ARID1B: variants seen among roughly 807,000 people sequenced by gnomAD.
The protein encoded by ARID1B is AT-rich interaction domain 1B.
In ARID1B, 30 loss-of-function variants were observed where a neutral mutation model predicts 212.3. That is an observed-to-expected ratio of 0.14 (90% confidence interval 0.11 to 0.19). The LOEUF (loss-of-function observed/expected upper bound fraction) is 0.19, where lower values mean the gene tolerates loss of function less well. Among genes scored for constraint, ARID1B ranks in the 10% least tolerant of loss-of-function variants. The probability of loss-of-function intolerance (pLI) is 1.00; values close to 1 mark genes in which losing one functional copy is unlikely to be tolerated. For synonymous variants in ARID1B, 1,402 were observed against 1,301.7 expected (o/e 1.08, Z -1.66); for missense variants, 2,891 against 3,204.0 (o/e 0.90, Z 2.36).
chr6:156,964,721 T>A lies in ARID1B; in HGVS notation c.2247+29145T>A, dbSNP rs568947955. 2.7e-4 allele frequency among the ~76,000 whole-genome samples: 41 copies of A among 152,330 alleles called. No homozygotes were observed. The East Asian group carries it at 3.5e-3, about 13-fold the overall frequency. ...GTATGGATTCTCTTAATGGAAAAAA[T>A]TTATTTTCATTAATATTTTAGCATG... On this transcript the variant is annotated intron_variant, in intron 4 of 19. Coordinates refer to ENST00000636930, the MANE Select transcript of ARID1B (RefSeq NM_001374828.1).
In ARID1B at chr6:157,201,188, A is replaced by T. The variant is rs1359930751; in HGVS notation, c.4963A>T (p.Ile1655Phe). Residue 1655 changes from isoleucine (I) to phenylalanine (F), a missense_variant, in exon 18 of 20, where the codon ATC (isoleucine) becomes TTC (phenylalanine). By Grantham distance (21) the Ile-to-Phe change is conservative (BLOSUM62 0). Transcript: ENST00000636930. The surrounding 1 kb of genome is among the most constrained non-coding windows in gnomAD (Gnocchi z 5.2). ...GTCGTCCTCAGCCTCCATGCAGCCCATCACACGCCCACCACAGCCGTCCTA... is the reference window on the plus strand; with the variant it reads ...GTCGTCCTCAGCCTCCATGCAGCCCTTCACACGCCCACCACAGCCGTCCTA... ...YMSSSASMQP[I>F]TRPPQPSYQT... is the part of the protein sequence containing the mutation. 2.9e-5 allele frequency: 47 copies of T among 1,613,878 alleles called. No individual in the cohort carries two copies. Among genetic ancestry groups the T allele is most frequent in the Non-Finnish European group, 3.9e-5 (46 of 1,179,814 alleles).
chr6:156,993,742 A>G (rs1258657570), intron 4 of ARID1B, among the ~76,000 whole-genome samples: 1 of 152,248 alleles, frequency 6.6e-6, no homozygotes, highest in African/African-American at 2.4e-5. Flanking sequence ...AGTAAAAGCC[A>G]GAAACAAAAC....
chr6:157,043,984 T>C (rs968946442), intron 4 of ARID1B, among the ~76,000 whole-genome samples: 2 of 152,216 alleles, frequency 1.3e-5, no homozygotes, highest in African/African-American at 4.8e-5. Flanking sequence ...ATTTGTCAAG[T>C]ACCAGGGATG....
intron 3 of ARID1B, among the ~76,000 whole-genome samples, chr6:156,902,350 G>T (rs1215660273): frequency 1.3e-5 from 2 of 152,072 alleles, no homozygotes; most frequent in African/African-American, 4.8e-5. Context: ...CTTCTCTTTT[G>T]TGTGGTGGAG....
At chr6:156,900,473 A>C (rs1043168905) in intron 2 of ARID1B, among the ~76,000 whole-genome samples, 4 of 152,140 alleles carry the variant, frequency 2.6e-5, no homozygotes, top group African/African-American at 7.2e-5. Context: ...TATGGGGCTC[A>C]AGTTCTTGAA....
intron 4 of ARID1B, among the ~76,000 whole-genome samples, chr6:157,070,462 A>G (rs1214852671): frequency 6.6e-6 from 1 of 152,188 alleles, no homozygotes. Flanking sequence ...ACTAAATGTC[A>G]CTTCATAATT....
rs552890942 is a variant in ARID1B at position 156,905,456 on chromosome 6, T to G, written c.2136+3931T>G. Among the ~76,000 whole-genome samples, 5 of 152,324 alleles carry G rather than the reference T, an allele frequency of 3.3e-5. No individual in the cohort carries two copies. In the South Asian group the frequency reaches 8.3e-4, roughly 25 times the overall value. ...TTTGATTATAGTTAGGACTTCAAAC[T>G]AAATGGATAAGGCCCACCCACATTA... is the stretch of plus-strand genomic sequence containing the variant. On this transcript the variant is annotated intron_variant, in intron 3 of 19. Coordinates refer to ENST00000636930, the MANE Select transcript of ARID1B (RefSeq NM_001374828.1).
chr6:156,940,168 C>G (rs1792561771), intron 4 of ARID1B: 1 of 152,158 alleles, frequency 6.6e-6, no homozygotes, highest in Admixed American at 6.5e-5. Flanking sequence ...GGAATACAAT[C>G]AGTTTGGCAG....
intron 2 of ARID1B, among the ~76,000 whole-genome samples, chr6:156,858,279 T>C (rs1235069370): frequency 1.3e-5 from 2 of 152,100 alleles, no homozygotes; most frequent in African/African-American, 4.8e-5. Context: ...TAGGTACAAG[T>C]ATACTGTTAG....
chr6:157,116,832 A>G (rs895116056), intron 6 of ARID1B, among the ~76,000 whole-genome samples: 4 of 152,154 alleles, frequency 2.6e-5, no homozygotes, highest in African/African-American at 9.7e-5. Context: ...CCACTGTTGA[A>G]AAAGAGGAGT....
chr6:157,206,985 G>A lies in ARID1B; in HGVS notation c.6213G>A (p.Val2071=), dbSNP rs953474187. ...QDSLAKRCIC[V]SNIVRSLSFV... is the part of the protein sequence containing the mutation. ...CGCTGGCTAAGCGATGCATCTGTGT[G>A]TCCAATATTGTCCGTAGCTTGTCAT... Residue 2071 remains valine, a synonymous_variant, in exon 20 of 20, where the codon GTG becomes GTA. Transcript: ENST00000636930. This position sits in a 1 kb window ranked among gnomAD's most constrained non-coding sequence, Gnocchi z 6.8. The A allele has an allele frequency of 2.5e-6, 4 of 1,614,248 alleles. No individual in the cohort carries two copies. The highest frequency in any genetic ancestry group is 3.4e-6 in the Non-Finnish European group (4 of 1,180,054).
intron 2 of ARID1B, among the ~76,000 whole-genome samples, chr6:156,853,350 T>C (rs1401000664): frequency 6.6e-6 from 1 of 152,188 alleles, no homozygotes; most frequent in African/African-American, 2.4e-5. Context: ...AGGATGAGTA[T>C]TTTCCCACCG....
chr6:156,901,389 A>T lies in ARID1B; in HGVS notation c.2000A>T (p.Tyr667Phe). Reference protein sequence around the residue: ...QYPQQQMPPQYGQQGVSGYCQ... With the variant: ...QYPQQQMPPQFGQQGVSGYCQ... ...ACTTTTTGACAGATGCCACCTCAGT[A>T]TGGACAGCAAGGTGTGAGTGGTTAC... Residue 667 changes from tyrosine to phenylalanine, a missense_variant, in exon 3 of 20, where the codon TAT becomes TTT. By Grantham distance (22) the Tyr-to-Phe change is conservative (BLOSUM62 3). Transcript: ENST00000636930. The T allele has an allele frequency of 6.2e-7, 1 of 1,614,184 alleles. No homozygotes were observed. The highest frequency in any genetic ancestry group is 8.5e-7 in the Non-Finnish European group (1 of 1,180,038).
intron 19 of ARID1B, chr6:157,205,541 A>T (rs1794380599): frequency 1.3e-5 from 2 of 152,242 alleles, no homozygotes; most frequent in African/African-American, 2.4e-5. Flanking sequence ...ATTTTATGAA[A>T]CATTTTAATT....
chr6:157,086,242 G>A (rs1238954350), intron 5 of ARID1B, among the ~76,000 whole-genome samples: 2 of 152,194 alleles, frequency 1.3e-5, no homozygotes, highest in Admixed American at 1.3e-4. Flanking sequence ...AGATTCATCT[G>A]TAATTTGATA....
intron 5 of ARID1B, among the ~76,000 whole-genome samples, chr6:157,085,381 T>C (rs558916407): frequency 6.6e-6 from 1 of 152,348 alleles, no homozygotes; most frequent in East Asian, 1.9e-4. Context: ...AGGTGGAGCA[T>C]GGTCGAGGCG....
At chr6:156,828,137 T>C (rs951783860) in intron 1 of ARID1B, among the ~76,000 whole-genome samples, 2 of 148,700 alleles carry the variant, frequency 1.3e-5, no homozygotes, top group Non-Finnish European at 3.0e-5. Context: ...TGATCATAGC[T>C]CACTGCAGCC....
chr6:157,136,153 T>C (rs1258331298), intron 7 of ARID1B, among the ~76,000 whole-genome samples: 3 of 152,182 alleles, frequency 2.0e-5, no homozygotes, highest in Admixed American at 2.0e-4. Flanking sequence ...TTACTCCACT[T>C]TACAGAGGAA....
intron 4 of ARID1B, among the ~76,000 whole-genome samples, chr6:157,059,882 G>T (rs888167292): frequency 6.6e-6 from 1 of 152,180 alleles, no homozygotes; most frequent in African/African-American, 2.4e-5. Flanking sequence ...AGAACAAGGA[G>T]GGGAAAAATT....
Sources: gnomAD v4.1 joint callset for allele counts (sites outside exome capture counted in the v4.1 genomes callset) on GRCh38, gnomAD v4.1.1 for gene constraint, Gnocchi (gnomAD v3.1) non-coding constraint, MANE v1.5 for transcripts, NCBI Gene and HGNC (gene_info 2026-07-23, HGNC 2026-07-21) for gene names.